Variants in TAS2R1 observed in about 807,000 individuals in gnomAD.
The protein encoded by TAS2R1 is taste receptor type 2 member 1.
For synonymous variants in TAS2R1, 141 were observed against 134.2 expected (o/e 1.05, Z -0.35); for missense variants, 370 against 353.4 (o/e 1.05, Z -0.38).
the TAS2R1 span, among the ~76,000 whole-genome samples, chr5:9,895,162 G>C: frequency 1.3e-5 from 2 of 152,274 alleles, no homozygotes; most frequent in African/African-American, 4.8e-5. Context: ...TGTGAAGGGG[G>C]GTGATGGGGG....
the TAS2R1 span, among the ~76,000 whole-genome samples, chr5:9,826,959 C>G: frequency 6.6e-6 from 1 of 152,170 alleles, no homozygotes; most frequent in Non-Finnish European, 1.5e-5. Flanking sequence ...TCTAATACTA[C>G]ACACCCTCCC....
At chr5:9,804,940 T>C in the TAS2R1 span, among the ~76,000 whole-genome samples, 1 of 151,692 alleles carries the variant, frequency 6.6e-6, no homozygotes, top group African/African-American at 2.4e-5. Flanking sequence ...ATGCAAAATA[T>C]AAATGAAACA....
chr5:9,858,447 A>G, the TAS2R1 span, among the ~76,000 whole-genome samples: 1 of 152,082 alleles, frequency 6.6e-6, no homozygotes, highest in African/African-American at 2.4e-5. Flanking sequence ...AGGTAATATA[A>G]AGCTGTCCTT....
chr5:9,857,935 G>A, the TAS2R1 span, among the ~76,000 whole-genome samples: 7 of 152,136 alleles, frequency 4.6e-5, no homozygotes, highest in Admixed American at 4.6e-4. Context: ...AGCAGACCCT[G>A]GTGCCTGGGT....
At chr5:9,798,511 C>A in the TAS2R1 span, among the ~76,000 whole-genome samples, 3 of 152,120 alleles carry the variant, frequency 2.0e-5, no homozygotes, top group Non-Finnish European at 4.4e-5. Context: ...TATGTCCTAG[C>A]CCTGATTCTA....
chr5:9,827,877 G>A, the TAS2R1 span, among the ~76,000 whole-genome samples: 2 of 152,092 alleles, frequency 1.3e-5, no homozygotes, highest in Admixed American at 6.6e-5. Flanking sequence ...TAAAATCCAA[G>A]TTTATGTACT....
At chr5:9,861,503 T>A in the TAS2R1 span, among the ~76,000 whole-genome samples, 1 of 151,750 alleles carries the variant, frequency 6.6e-6, no homozygotes, top group African/African-American at 2.4e-5. Context: ...CAACATAGAG[T>A]GTTGGAAGAA....
the TAS2R1 span, among the ~76,000 whole-genome samples, chr5:9,739,701 G>A: frequency 2.0e-5 from 3 of 152,150 alleles, no homozygotes; most frequent in Non-Finnish European, 4.4e-5. Flanking sequence ...GTCATTCAAC[G>A]CTTACGCTCT....
chr5:9,850,489 G>A, the TAS2R1 span, among the ~76,000 whole-genome samples: 1 of 152,230 alleles, frequency 6.6e-6, no homozygotes, highest in Non-Finnish European at 1.5e-5. Context: ...AATCCATCAC[G>A]GAGGGTACAT....
the TAS2R1 span, among the ~76,000 whole-genome samples, chr5:9,727,289 G>A: frequency 2.5e-4 from 38 of 152,312 alleles, no homozygotes; most frequent in East Asian, 6.8e-3. Flanking sequence ...CCAGGAAGCA[G>A]ACATTTAAAA....
chr5:9,850,769 T>A, the TAS2R1 span, among the ~76,000 whole-genome samples: 7 of 152,288 alleles, frequency 4.6e-5, no homozygotes, highest in African/African-American at 1.7e-4. Context: ...AGGTTGGAGC[T>A]CCTGATAAAA....
chr5:9,715,376 G>T (rs927780564), upstream of TAS2R1, among the ~76,000 whole-genome samples: 1 of 152,206 alleles, frequency 6.6e-6, no homozygotes, highest in African/African-American at 2.4e-5. Context: ...CACCCAATTG[G>T]GCAGCCTGCT....
At chr5:9,823,356 T>C in the TAS2R1 span, among the ~76,000 whole-genome samples, 1 of 152,108 alleles carries the variant, frequency 6.6e-6, no homozygotes, top group Non-Finnish European at 1.5e-5. Context: ...CCTACAGATA[T>C]GCTGAATATC....
chr5:9,761,792 T>C, the TAS2R1 span, among the ~76,000 whole-genome samples: 1 of 152,210 alleles, frequency 6.6e-6, no homozygotes, highest in Admixed American at 6.5e-5. Flanking sequence ...CAATAAAACC[T>C]GGTAAAAATG....
chr5:9,724,344 C>CTTTTTTTTTTTTTTTTTTTTTT, the TAS2R1 span, among the ~76,000 whole-genome samples: 1 of 124,682 alleles, frequency 8.0e-6, no homozygotes, highest in African/African-American at 2.8e-5. Flanking sequence ...ATGTTTCTTT[C>CTTTTTTTTTTTTTTTTTTTTTT]TTTTTTTTTT....
At chr5:9,751,199 A>G in the TAS2R1 span, among the ~76,000 whole-genome samples, 1 of 151,696 alleles carries the variant, frequency 6.6e-6, no homozygotes, top group Admixed American at 6.6e-5. Context: ...AATTGGAAAT[A>G]TATTTGCTTG....
chr5:9,717,943 C>G, the TAS2R1 span, among the ~76,000 whole-genome samples: 1 of 152,020 alleles, frequency 6.6e-6, no homozygotes, highest in African/African-American at 2.4e-5. Flanking sequence ...AATAACTACA[C>G]CATTAGTAAA....
the TAS2R1 span, among the ~76,000 whole-genome samples, chr5:9,809,906 C>G: frequency 6.6e-6 from 1 of 152,214 alleles, no homozygotes; most frequent in East Asian, 1.9e-4. Flanking sequence ...ATGATGCCAA[C>G]TATCTGACAT....
the TAS2R1 span, among the ~76,000 whole-genome samples, chr5:9,840,833 TTTTATTTA>T: frequency 9.1e-3 from 706 of 77,224 alleles, 2 homozygotes; most frequent in Non-Finnish European, 0.012. Context: ...TTTCATTTTA[TTTTATTTA>T]TTTATTTATT....
Sources: allele counts gnomAD v4.1 joint callset (sites outside exome capture counted in the v4.1 genomes callset), GRCh38; gene constraint gnomAD v4.1.1; transcripts MANE v1.5; gene names NCBI Gene and HGNC (gene_info 2026-07-23, HGNC 2026-07-21).